SPAST: variants seen among roughly 807,000 people sequenced by gnomAD.
The protein encoded by SPAST is spastic paraplegia 4 (autosomal dominant; spastin).
SPAST carries 30 observed loss-of-function variants against 76.6 expected under a neutral mutation model. The ratio of observed to expected loss-of-function variants is 0.39; its 90% CI spans 0.29 to 0.53. SPAST has a LOEUF of 0.53. SPAST is among the 20% of genes least tolerant of loss of function. The pLI is 0.68. For synonymous variants in SPAST, 305 were observed against 281.0 expected (o/e 1.09, Z -0.86); for missense variants, 717 against 770.5 (o/e 0.93, Z 0.82).
intron 1 of SPAST, 120 bp downstream of exon 1, chr2:32,064,366 T>TA: frequency 1.1e-6 from 1 of 936,896 alleles, no homozygotes; most frequent in Non-Finnish European, 1.6e-6. Flanking sequence ...CCGGAATTGA[T>TA]ATGCCCCGGG....
intron 1 of SPAST, among the ~76,000 whole-genome samples, chr2:32,078,417 C>T (rs1289151370): frequency 6.6e-6 from 1 of 152,152 alleles, no homozygotes; most frequent in Non-Finnish European, 1.5e-5. Flanking sequence ...CTCAAGTGAT[C>T]TACCCTCCTT....
intron 4 of SPAST, among the ~76,000 whole-genome samples, chr2:32,099,723 C>T (rs1678048899): frequency 6.6e-6 from 1 of 151,962 alleles, no homozygotes; most frequent in Non-Finnish European, 1.5e-5. Flanking sequence ...TATATTGTTA[C>T]CTATAATCAT....
intron 6 of SPAST, 26 bp downstream of exon 6, chr2:32,115,861 AT>A: frequency 6.4e-7 from 1 of 1,561,304 alleles, no homozygotes; most frequent in South Asian, 1.2e-5. Flanking sequence ...TAAATGTTTT[AT>A]TTTATAGTTT....
intron 3 of SPAST, among the ~76,000 whole-genome samples, chr2:32,095,906 C>T (rs1426851083): frequency 6.6e-6 from 1 of 151,816 alleles, no homozygotes; most frequent in Non-Finnish European, 1.5e-5. Flanking sequence ...TCATGGATGG[C>T]CTGGTTTGTC....
At chr2:32,102,370 G>A (rs891896132) in intron 4 of SPAST, among the ~76,000 whole-genome samples, 23 of 152,114 alleles carry the variant, frequency 1.5e-4, no homozygotes, top group African/African-American at 4.6e-4. Flanking sequence ...GGAGATTTTG[G>A]GCTGAGATGA....
At chr2:32,116,320 T>G in intron 7 of SPAST, 108 bp downstream of exon 7, 2 of 740,236 alleles carry the variant, frequency 2.7e-6, no homozygotes, top group Non-Finnish European at 4.7e-6. Context: ...TTAATTCATA[T>G]AAGGTAACAA....
intron 1 of SPAST, among the ~76,000 whole-genome samples, chr2:32,075,178 T>A (rs902190035): frequency 5.9e-5 from 9 of 151,830 alleles, no homozygotes; most frequent in African/African-American, 2.2e-4. Flanking sequence ...ATCCCAGCAC[T>A]TTGGGAGGCT....
Position 32,090,802 on chromosome 2 carries a change from C to T in SPAST, c.586+1197C>T, listed in dbSNP as rs72862284. ...TTTAACATGTTCTTCTTTCCTCCCACGTTAAATGATAGTTGGATATAGAGC... is the reference window on the plus strand; with the variant it reads ...TTTAACATGTTCTTCTTTCCTCCCATGTTAAATGATAGTTGGATATAGAGC... On this transcript the variant is annotated intron_variant, in intron 3 of 16. Coordinates refer to ENST00000315285, the MANE Select transcript of SPAST (RefSeq NM_014946.4). Among the ~76,000 whole-genome samples, 380 of 152,206 alleles carry T rather than the reference C, an allele frequency of 2.5e-3. 1 individual carries two copies. Among genetic ancestry groups the T allele is most frequent in the South Asian group, 0.015 (73 of 4,822 alleles).
chr2:32,077,958 A>G (rs1254591218), intron 1 of SPAST: 1 of 123,348 alleles, frequency 8.1e-6, no homozygotes, highest in African/African-American at 3.0e-5. Context: ...GCAAGACCCC[A>G]TTTCTGTTTT....
intron 12 of SPAST, among the ~76,000 whole-genome samples, chr2:32,137,423 C>T (rs545523798): frequency 6.6e-6 from 1 of 152,148 alleles, no homozygotes; most frequent in African/African-American, 2.4e-5. Flanking sequence ...TTGGTCAGTT[C>T]TTCTGGGTTG....
At chr2:32,082,012 T>C (rs1677252710) in intron 1 of SPAST, among the ~76,000 whole-genome samples, 1 of 138,662 alleles carries the variant, frequency 7.2e-6, no homozygotes, top group South Asian at 2.4e-4. Flanking sequence ...TCTCTTTTTT[T>C]TTTTTTTTTT....
chr2:32,092,393 T>C (rs1186097688), intron 3 of SPAST, among the ~76,000 whole-genome samples: 1 of 152,174 alleles, frequency 6.6e-6, no homozygotes, highest in South Asian at 2.1e-4. Flanking sequence ...GTATATATCA[T>C]ACAGAATAAA....
chr2:32,087,695 T>TTG (rs1553399579), intron 2 of SPAST, 117 bp downstream of exon 2: 2 of 94,524 alleles, frequency 2.1e-5, no homozygotes, highest in Non-Finnish European at 4.1e-5. Flanking sequence ...TTTTCTTTTC[T>TTG]TTTTTTTTTT....
intron 4 of SPAST, among the ~76,000 whole-genome samples, chr2:32,104,950 T>G (rs1368758931): frequency 1.3e-5 from 2 of 152,108 alleles, no homozygotes; most frequent in African/African-American, 4.8e-5. Context: ...TCTTCTTGAG[T>G]AGTATCTTTG....
At chr2:32,093,310 CAAA>C (rs34291087) in intron 3 of SPAST, among the ~76,000 whole-genome samples, 10 of 62,174 alleles carry the variant, frequency 1.6e-4, no homozygotes, top group South Asian at 1.3e-3. Flanking sequence ...GACTCCGTCT[CAAA>C]AAAAAAAAAA....
At position 32,154,447 on chromosome 2, in the gene SPAST, T is replaced by G; in HGVS notation, c.1802T>G (p.Leu601Ter). The part of the protein sequence containing the change: ...KIKRSVSPQT[L>*]EAYIRWNKDF... ...AAACGCAGCGTCAGCCCTCAAACTT[T>G]AGAAGCGTACATACGTTGGAACAAG... The change falls in exon 17 of 17, where the codon TTA (leucine) becomes TGA (stop). Residue 601 changes from leucine to a stop codon, truncating the protein, a stop_gained. Coordinates refer to ENST00000315285, the MANE Select transcript of SPAST (RefSeq NM_014946.4). LOFTEE classifies it high-confidence loss of function. 6.2e-7 allele frequency: 1 copy of G among 1,613,648 alleles called. No homozygotes were observed. Among genetic ancestry groups the G allele is most frequent in the Non-Finnish European group, 8.5e-7 (1 of 1,179,594 alleles).
At position 32,072,452 on chromosome 2, in the gene SPAST, T is replaced by C. The variant is rs542396124; in HGVS notation, c.415+8206T>C. Among the ~76,000 whole-genome samples, 3 of 152,220 alleles carry C rather than the reference T, an allele frequency of 2.0e-5. No homozygotes were observed. In the East Asian group the frequency reaches 5.8e-4, roughly 29 times the overall value. ...TACAAAACATCTTAATATCTCTGTT[T>C]TAATGTTAATGCTGATCAGTTGTCC... On this transcript the variant is annotated intron_variant, in intron 1 of 16. Coordinates refer to ENST00000315285, the MANE Select transcript of SPAST (RefSeq NM_014946.4).
intron 7 of SPAST, among the ~76,000 whole-genome samples, chr2:32,123,517 T>C (rs1019629040): frequency 6.6e-6 from 1 of 152,168 alleles, no homozygotes; most frequent in African/African-American, 2.4e-5. Context: ...ATTTTGTGGA[T>C]ACTGGCAAAC....
rs554206088 is a variant in SPAST at position 32,113,800 on chromosome 2, C to T, written c.683-838C>T. On this transcript the variant is annotated intron_variant, in intron 4 of 16. Transcript: ENST00000315285. ...CAGCCTGGTCTTGAACTACTGACAT[C>T]AGGTGATCCGTCCACCTCGATCTCC... 2.3e-3 allele frequency among the ~76,000 whole-genome samples: 350 copies of T among 152,086 alleles called. 1 individual carries two copies. The highest frequency in any genetic ancestry group is 5.6e-3 in the South Asian group (27 of 4,822).
Sources: allele counts gnomAD v4.1 joint callset (sites outside exome capture counted in the v4.1 genomes callset), GRCh38; gene constraint gnomAD v4.1.1; transcripts MANE v1.5; gene names NCBI Gene and HGNC (gene_info 2026-07-23, HGNC 2026-07-21).